Variants in UAP1 observed in about 807,000 individuals in gnomAD.
UAP1 encodes the protein UDP-N-acetylglucosamine pyrophosphorylase 1.
A neutral mutation model predicts 58.5 loss-of-function variants in UAP1; 25 were observed. The observed-to-expected ratio is 0.43, with a 90% CI of 0.31 to 0.60. The LOEUF is 0.60. Among genes scored for constraint, UAP1 ranks in the 20% least tolerant of loss-of-function variants. The pLI is 0.11. For missense variants in UAP1, 575 were observed against 630.0 expected (o/e 0.91, Z 0.93); for synonymous variants, 208 against 213.0 (o/e 0.98, Z 0.21).
intron 9 of UAP1, among the ~76,000 whole-genome samples, chr1:162,595,683 A>T (rs1366369177): frequency 6.6e-6 from 1 of 152,160 alleles, no homozygotes; most frequent in Non-Finnish European, 1.5e-5. Context: ...TATACAAGAG[A>T]AATAAGTCAC....
At position 162,580,147 on chromosome 1, in the gene UAP1, G is replaced by A. The variant is rs189543680; in HGVS notation, c.661+544G>A. ...CTCCCAAAGTGCTGGAATTACAGCC[G>A]TGAGCCACCGCGCCCAGCCATATAG... On this transcript the variant is annotated intron_variant, in intron 4 of 10. Coordinates refer to ENST00000271469, the Ensembl canonical transcript of UAP1. Among the ~76,000 whole-genome samples the A allele has an allele frequency of 3.2e-4, 48 of 152,272 alleles. No homozygotes were observed. The East Asian group carries it at 7.3e-3, about 23-fold the overall frequency.
chr1:162,576,923 A>G, exon 3 of UAP1: 3 of 1,614,194 alleles, frequency 1.9e-6, no homozygotes, highest in East Asian at 2.2e-5. Flanking sequence ...AGCAGAGCGT[A>G]TCCTGAAGCT....
chr1:162,590,439 A>G (rs771311300), exon 8 of UAP1: 1 of 1,613,498 alleles, frequency 6.2e-7, no homozygotes, highest in Admixed American at 1.7e-5. Context: ...ATGTCCCTTC[A>G]TCATTGCTGG....
intron 5 of UAP1, among the ~76,000 whole-genome samples, chr1:162,586,879 A>G (rs566656344): frequency 5.3e-5 from 8 of 152,206 alleles, no homozygotes; most frequent in East Asian, 1.9e-4. Context: ...CAAAACAGAT[A>G]AATATGGGTG....
At chr1:162,579,004 A>G (rs1654382454) in intron 3 of UAP1, among the ~76,000 whole-genome samples, 1 of 152,214 alleles carries the variant, frequency 6.6e-6, no homozygotes, top group Admixed American at 6.5e-5. Context: ...ATGGAGGGTT[A>G]GCAGAGCCCA....
chr1:162,600,584 C>T (rs1655863895), downstream of UAP1, among the ~76,000 whole-genome samples: 1 of 150,712 alleles, frequency 6.6e-6, no homozygotes, highest in African/African-American at 2.4e-5. Context: ...TTTCATTTTC[C>T]GCTAACAAGT....
exon 4 of UAP1, chr1:162,579,544 C>A: frequency 6.2e-7 from 1 of 1,609,196 alleles, no homozygotes; most frequent in Non-Finnish European, 8.5e-7. Flanking sequence ...ATGCTCCCCG[C>A]CATGAGTTTT....
intron 2 of UAP1, among the ~76,000 whole-genome samples, chr1:162,567,391 G>A (rs1653582403): frequency 6.6e-6 from 1 of 152,182 alleles, no homozygotes; most frequent in Admixed American, 6.5e-5. Context: ...TGATCAATAA[G>A]TGTTTGTTGA....
At chr1:162,584,585 T>G (rs1654795463) in intron 5 of UAP1, among the ~76,000 whole-genome samples, 1 of 152,164 alleles carries the variant, frequency 6.6e-6, no homozygotes, top group African/African-American at 2.4e-5. Context: ...TGGGTTCAGG[T>G]GATCCTCTCA....
intron 6 of UAP1, among the ~76,000 whole-genome samples, chr1:162,588,324 A>G (rs1459363796): frequency 2.6e-5 from 4 of 152,232 alleles, no homozygotes; most frequent in Non-Finnish European, 5.9e-5. Flanking sequence ...TTACTTTAGA[A>G]TATCAACTCC....
chr1:162,576,517 C>G (rs191182793), intron 2 of UAP1, among the ~76,000 whole-genome samples: 1 of 152,194 alleles, frequency 6.6e-6, no homozygotes, highest in East Asian at 1.9e-4. Flanking sequence ...TATGTAGATT[C>G]TGTATTCTCT....
Position 162,595,211 on chromosome 1 carries a change from A to G in UAP1, c.1409+2429A>G, listed in dbSNP as rs143610870. Among the ~76,000 whole-genome samples the G allele has an allele frequency of 2.2e-3, 336 of 152,148 alleles. 2 individuals are homozygous for G. The highest frequency in any genetic ancestry group is 7.3e-3 in the African/African-American group (305 of 41,506). On this transcript the variant is annotated intron_variant, in intron 9 of 10. Coordinates refer to ENST00000271469, the Ensembl canonical transcript of UAP1. Reference sequence around the variant, plus strand: ...TGTTTTCCCTCCTTCAGGGCATCCAATTTTGTTTACTGAAGTTCACTCCTT... The same window carrying G: ...TGTTTTCCCTCCTTCAGGGCATCCAGTTTTGTTTACTGAAGTTCACTCCTT...
intron 3 of UAP1, among the ~76,000 whole-genome samples, chr1:162,578,159 A>G (rs1215745569): frequency 6.6e-6 from 1 of 152,040 alleles, no homozygotes; most frequent in Non-Finnish European, 1.5e-5. Flanking sequence ...GGGGAAAATC[A>G]GCTGTGTGTT....
chr1:162,561,828 G>C (rs1404351046), intron 1 of UAP1, 51 bp downstream of exon 1: 2 of 152,560 alleles, frequency 1.3e-5, no homozygotes, highest in African/African-American at 4.8e-5. Context: ...GGACCCGGGC[G>C]GGCGGAGGGC....
At chr1:162,575,727 G>A (rs1654138738) in intron 2 of UAP1, among the ~76,000 whole-genome samples, 1 of 148,880 alleles carries the variant, frequency 6.7e-6, no homozygotes, top group Non-Finnish European at 1.5e-5. Context: ...TTTTTTTTGA[G>A]TCTCGCTCTG....
chr1:162,563,364 T>A (rs1209455260), intron 1 of UAP1, among the ~76,000 whole-genome samples: 1 of 152,040 alleles, frequency 6.6e-6, no homozygotes, highest in African/African-American at 2.4e-5. Flanking sequence ...ACCCTTTTTT[T>A]TTTTATTTTT....
intron 3 of UAP1, 40 bp downstream of exon 3, chr1:162,577,021 ATTG>A (rs763468560): frequency 3.2e-6 from 5 of 1,579,834 alleles, no homozygotes; most frequent in East Asian, 4.5e-5. Context: ...CTGAACATAT[ATTG>A]TTTTATAATA....
chr1:162,596,460 C>T (rs1054587257), intron 9 of UAP1, among the ~76,000 whole-genome samples: 3 of 152,190 alleles, frequency 2.0e-5, no homozygotes, highest in Non-Finnish European at 4.4e-5. Flanking sequence ...CAGGTGTGAG[C>T]CACTGCACCC....
intron 2 of UAP1, among the ~76,000 whole-genome samples, chr1:162,572,454 T>A (rs934240258): frequency 2.0e-5 from 3 of 152,230 alleles, no homozygotes; most frequent in African/African-American, 7.2e-5. Flanking sequence ...TGGAGCTGGC[T>A]CTGGGAGTGT....
Sources: allele counts gnomAD v4.1 joint callset (sites outside exome capture counted in the v4.1 genomes callset), GRCh38; gene constraint gnomAD v4.1.1; transcripts MANE v1.5; gene names NCBI Gene and HGNC (gene_info 2026-07-23, HGNC 2026-07-21).